The following CMC2 variants were observed in gnomAD, a reference collection of about 807,000 sequenced individuals.
The protein encoded by CMC2 is C-X9-C motif containing 2.
CMC2 carries 5 observed loss-of-function variants against 7.5 expected under a neutral mutation model. That is an observed-to-expected ratio of 0.66 (90% CI 0.35 to 1.40). The LOEUF (loss-of-function observed/expected upper bound fraction) is 1.40, where lower values mean the gene tolerates loss of function less well. Ranked by LOEUF, CMC2 falls within the 40% of genes most tolerant of loss-of-function variation. The pLI is 0.04. For synonymous variants in CMC2, 37 were observed against 31.4 expected (o/e 1.18, Z -0.60); for missense variants, 115 against 92.3 (o/e 1.25, Z -1.01).
chr16:80,988,103 G>A (rs1312425502), intron 2 of CMC2, among the ~76,000 whole-genome samples: 3 of 152,156 alleles, frequency 2.0e-5, no homozygotes, highest in African/African-American at 7.2e-5. Context: ...AGGATCACTT[G>A]AGCCCAGGAG....
intron 2 of CMC2, among the ~76,000 whole-genome samples, chr16:80,993,862 T>C (rs966052931): frequency 1.3e-5 from 2 of 152,066 alleles, no homozygotes; most frequent in Admixed American, 6.5e-5. Flanking sequence ...CTAAAATTAA[T>C]ATGGAAATGA....
At chr16:81,006,440 G>A (rs1437871388) in intron 1 of CMC2, 1 of 152,710 alleles carries the variant, frequency 6.5e-6, no homozygotes, top group African/African-American at 2.4e-5. Flanking sequence ...TCCGGGAGGG[G>A]AGGAGCGCGC....
intron 3 of CMC2, chr16:80,978,254 C>A: frequency 9.1e-7 from 1 of 1,099,816 alleles, no homozygotes; most frequent in Non-Finnish European, 1.1e-6. Context: ...TTAATCACGT[C>A]TACTGGATTG....
intron 2 of CMC2, among the ~76,000 whole-genome samples, chr16:80,985,885 T>G (rs1394706259): frequency 1.0e-5 from 1 of 99,396 alleles, no homozygotes; most frequent in Non-Finnish European, 1.9e-5. Context: ...AGAAATATCA[T>G]TCTCCCATAT....
intron 1 of CMC2, among the ~76,000 whole-genome samples, chr16:80,999,453 T>C (rs890042775): frequency 9.9e-5 from 15 of 152,138 alleles, no homozygotes; most frequent in Admixed American, 9.8e-4. Flanking sequence ...TGCTCATGGA[T>C]TGGGAGAATC....
intron 2 of CMC2, among the ~76,000 whole-genome samples, chr16:80,994,432 T>TA (rs33941831): frequency 1.6e-3 from 239 of 149,396 alleles, no homozygotes; most frequent in African/African-American, 5.6e-3. Flanking sequence ...CTAAAGGAAG[T>TA]AAAAAAAAAA....
chr16:80,989,419 C>T (rs900027423), intron 2 of CMC2, among the ~76,000 whole-genome samples: 3 of 152,164 alleles, frequency 2.0e-5, no homozygotes, highest in Non-Finnish European at 4.4e-5. Flanking sequence ...CTTTGATGCT[C>T]TGCCCCATTT....
intron 3 of CMC2, among the ~76,000 whole-genome samples, chr16:80,980,004 G>C (rs955461444): frequency 1.3e-5 from 2 of 150,958 alleles, no homozygotes; most frequent in Non-Finnish European, 3.0e-5. Context: ...CTGCAGCCAT[G>C]AACTCCTGGG....
intron 2 of CMC2, among the ~76,000 whole-genome samples, chr16:80,992,657 T>C (rs1030512701): frequency 6.6e-6 from 1 of 152,018 alleles, no homozygotes; most frequent in Non-Finnish European, 1.5e-5. Context: ...TTGTCTCTCA[T>C]GCTTTTGCTC....
At chr16:80,993,539 C>G (rs1283926877) in intron 2 of CMC2, among the ~76,000 whole-genome samples, 2 of 152,186 alleles carry the variant, frequency 1.3e-5, no homozygotes, top group Non-Finnish European at 2.9e-5. Context: ...ATGCCATAGT[C>G]ACTACGAAGA....
chr16:80,989,199 A>C (rs1239860851), intron 2 of CMC2, among the ~76,000 whole-genome samples: 2 of 152,158 alleles, frequency 1.3e-5, no homozygotes, highest in Non-Finnish European at 2.9e-5. Flanking sequence ...CAAACTTTTC[A>C]CCCACTAGTA....
intron 1 of CMC2, among the ~76,000 whole-genome samples, chr16:81,003,788 AGAG>A (rs1969035835): frequency 4.2e-5 from 1 of 23,820 alleles, no homozygotes; most frequent in Admixed American, 5.3e-4. Flanking sequence ...ACACAAAAAA[AGAG>A]AAGAGTATTG....
chr16:80,981,563 T>C (rs1338835866), intron 3 of CMC2, among the ~76,000 whole-genome samples: 2 of 152,228 alleles, frequency 1.3e-5, no homozygotes, highest in Non-Finnish European at 2.9e-5. Flanking sequence ...CCAGATGACC[T>C]ACAGTAATCA....
At chr16:80,992,480 G>A (rs1014504288) in intron 2 of CMC2, among the ~76,000 whole-genome samples, 1 of 152,166 alleles carries the variant, frequency 6.6e-6, no homozygotes, top group Non-Finnish European at 1.5e-5. Context: ...CATCAGAAAT[G>A]TATGAGGGTA....
chr16:80,978,309 G>C (rs1427062188), intron 3 of CMC2: 1 of 1,247,576 alleles, frequency 8.0e-7, no homozygotes, highest in Non-Finnish European at 1.0e-6. Context: ...AAACTCTTCA[G>C]AAGATAATAC....
intron 2 of CMC2, chr16:80,984,007 C>G (rs1967330641): frequency 6.5e-6 from 1 of 153,538 alleles, no homozygotes; most frequent in Non-Finnish European, 1.4e-5. Flanking sequence ...AAAAAACCCA[C>G]TATCATTAGA....
rs541435706 is a variant in CMC2 at position 80,976,129 on chromosome 16, C to A, written c.204G>T (p.Lys68Asn). 1 of 1,610,590 alleles carries A rather than the reference C, an allele frequency of 6.2e-7. No individual in the cohort carries two copies. The highest frequency in any genetic ancestry group is 1.7e-5 in the Admixed American group (1 of 59,944). Residue 68 changes from lysine to asparagine, a missense_variant, in exon 4 of 4, where the codon AAG becomes AAT. By Grantham distance (94) the Lys-to-Asn change is moderately conservative (BLOSUM62 0). Transcript: ENST00000219400. Reference sequence around the variant, plus strand: ...ATTCCTCTGGAGGATTAAAAAGTTTCTTTCGCATTGCAATGCCATGCTCCC... The same window carrying A: ...ATTCCTCTGGAGGATTAAAAAGTTTATTTCGCATTGCAATGCCATGCTCCC... ...KSREHGIAMRKKLFNPPEESE... is the reference protein window; with the variant it reads ...KSREHGIAMRNKLFNPPEESE...
chr16:80,994,246 T>C (rs1267425526), intron 2 of CMC2, among the ~76,000 whole-genome samples: 1 of 151,784 alleles, frequency 6.6e-6, no homozygotes, highest in East Asian at 1.9e-4. Flanking sequence ...AAAATGAAAT[T>C]AACTTGAAAC....
intron 1 of CMC2, among the ~76,000 whole-genome samples, chr16:81,006,347 C>A (rs1969334152): frequency 6.6e-6 from 1 of 152,246 alleles, no homozygotes; most frequent in African/African-American, 2.4e-5. Flanking sequence ...AATAACAACA[C>A]TTTATTGGGC....
Sources: allele counts gnomAD v4.1 joint callset (sites outside exome capture counted in the v4.1 genomes callset), GRCh38; gene constraint gnomAD v4.1.1; transcripts MANE v1.5; gene names NCBI Gene and HGNC (gene_info 2026-07-23, HGNC 2026-07-21).